The following PCNX2 variants were observed in gnomAD, a reference collection of about 807,000 sequenced individuals.
The protein encoded by PCNX2 is pecanex 2, also known as pecanex-like protein 2.
PCNX2 carries 168 observed loss-of-function variants against 223.8 expected under a neutral mutation model. The ratio of observed to expected loss-of-function variants is 0.75; its 90% CI spans 0.66 to 0.85. The LOEUF (loss-of-function observed/expected upper bound fraction) is 0.85, where lower values mean the gene tolerates loss of function less well. Ranked by LOEUF, PCNX2 falls within the 40% of genes least tolerant of loss-of-function variation. The pLI, the probability that PCNX2 is intolerant of heterozygous loss-of-function variation, is 0.00. For missense variants in PCNX2, 2,507 were observed against 2,675.5 expected (o/e 0.94, Z 1.39); for synonymous variants, 1,006 against 1,052.6 (o/e 0.96, Z 0.86).
At chr1:233,200,898 C>T (rs1038526409) in intron 13 of PCNX2, among the ~76,000 whole-genome samples, 11 of 150,784 alleles carry the variant, frequency 7.3e-5, no homozygotes, top group Admixed American at 1.3e-4. Flanking sequence ...TGGTGGCGGG[C>T]GCCTGTAGTC....
intron 1 of PCNX2, among the ~76,000 whole-genome samples, chr1:233,283,840 T>C (rs1295188127): frequency 2.0e-5 from 3 of 152,230 alleles, no homozygotes; most frequent in Non-Finnish European, 2.9e-5. Context: ...GAAAGACTTT[T>C]GGAAATACAA....
intron 17 of PCNX2, among the ~76,000 whole-genome samples, chr1:233,170,514 AG>A (rs1162301555): frequency 5.3e-5 from 8 of 152,200 alleles, no homozygotes; most frequent in Non-Finnish European, 5.9e-5. Flanking sequence ...ATTGATTTAG[AG>A]GAATCTTATA....
intron 21 of PCNX2, among the ~76,000 whole-genome samples, chr1:233,106,238 C>T (rs1016966649): frequency 1.3e-5 from 2 of 152,086 alleles, no homozygotes; most frequent in African/African-American, 4.8e-5. Context: ...CTAACTATTC[C>T]ATATATGAAA....
intron 19 of PCNX2, among the ~76,000 whole-genome samples, chr1:233,147,394 A>G (rs2477864): frequency 0.45 from 68,926 of 151,948 alleles, 17,492 homozygotes; most frequent in African/African-American, 0.68. Flanking sequence ...TATATTTCCT[A>G]TTCATTAAGT....
At chr1:233,201,395 G>A (rs6662775) in intron 13 of PCNX2, 113,472 of 152,186 alleles carry the variant, frequency 0.75, 43,246 homozygotes, top group African/African-American at 0.92. Flanking sequence ...TATGCTATAC[G>A]TAACTATATA....
At chr1:233,212,404 A>G (rs1681871028) in intron 12 of PCNX2, among the ~76,000 whole-genome samples, 4 of 152,250 alleles carry the variant, frequency 2.6e-5, no homozygotes. Context: ...GAAATGTGAT[A>G]GGCTACTTTA....
chr1:233,081,742 C>T (rs945699314), intron 23 of PCNX2, among the ~76,000 whole-genome samples: 4 of 152,186 alleles, frequency 2.6e-5, no homozygotes, highest in African/African-American at 9.7e-5. Flanking sequence ...TGGCAAGCTG[C>T]ATTGCTTCTG....
At chr1:233,003,305 A>C (rs1215853237) in intron 28 of PCNX2, among the ~76,000 whole-genome samples, 2 of 152,240 alleles carry the variant, frequency 1.3e-5, no homozygotes, top group African/African-American at 4.8e-5. Context: ...AAACAAATTT[A>C]TAAGAAAAAA....
the PCNX2 span, among the ~76,000 whole-genome samples, chr1:233,315,346 C>T: frequency 6.6e-6 from 1 of 152,162 alleles, no homozygotes; most frequent in African/African-American, 2.4e-5. Flanking sequence ...CATGCATTAA[C>T]AAAATAAATG....
In PCNX2 at chr1:233,279,556, A is replaced by T. The variant is rs1315967618; in HGVS notation, c.153+15770T>A. ...TGCCTCAGCCTCCCAAAATTCTGGG[A>T]TTACAGGTGTGAGCCACCACCCTAG... On this transcript the variant is annotated intron_variant, in intron 1 of 33. Transcript: ENST00000258229. 2.0e-5 allele frequency among the ~76,000 whole-genome samples: 3 copies of T among 152,186 alleles called. No homozygotes were observed. The South Asian group carries it at 6.2e-4, about 32-fold the overall frequency.
chr1:233,267,904 T>C (rs1018044580), intron 1 of PCNX2, among the ~76,000 whole-genome samples: 1 of 152,098 alleles, frequency 6.6e-6, no homozygotes, highest in Non-Finnish European at 1.5e-5. Flanking sequence ...CTGGATCACA[T>C]GATAATTCGA....
chr1:233,155,287 C>G (rs1437303666), intron 19 of PCNX2, among the ~76,000 whole-genome samples: 2 of 152,120 alleles, frequency 1.3e-5, no homozygotes, highest in Non-Finnish European at 2.9e-5. Flanking sequence ...CAGGGCGGAA[C>G]CTAGTGTCAC....
chr1:233,252,934 A>AT (rs1659543464), intron 5 of PCNX2, 146 bp from the exon 6 acceptor site: 12 of 851,510 alleles, frequency 1.4e-5, no homozygotes, highest in Non-Finnish European at 1.9e-5. Flanking sequence ...ATAATTTTTC[A>AT]TTTTTTTAAT....
intron 1 of PCNX2, among the ~76,000 whole-genome samples, chr1:233,274,441 T>C (rs906103901): frequency 8.5e-5 from 13 of 152,278 alleles, no homozygotes; most frequent in African/African-American, 2.2e-4. Flanking sequence ...CTCCCCACAG[T>C]TGAAAATCAC....
intron 5 of PCNX2, among the ~76,000 whole-genome samples, chr1:233,257,740 T>A (rs149279592): frequency 2.0e-5 from 3 of 152,326 alleles, no homozygotes; most frequent in Admixed American, 2.0e-4. Flanking sequence ...AGTAGTAAAA[T>A]ATAATTGCTT....
At position 233,183,390 on chromosome 1, in the gene PCNX2, A is replaced by C. The variant is rs141181196; in HGVS notation, c.3067-4215T>G. Among the ~76,000 whole-genome samples, 680 of 152,344 alleles carry C rather than the reference A, an allele frequency of 4.5e-3. 5 individuals carry two copies. The highest frequency in any genetic ancestry group is 0.015 in the African/African-American group (642 of 41,574). On this transcript the variant is annotated intron_variant, in intron 15 of 33. Coordinates refer to ENST00000258229, the MANE Select transcript of PCNX2 (RefSeq NM_014801.4). ...GTTAGCACCCTGACATATCCTTGCG[A>C]GAATGACTACAAGGTTTGGGCTTTC...
chr1:233,232,708 G>A (rs2102954832), intron 9 of PCNX2: 1 of 687,364 alleles, frequency 1.5e-6, no homozygotes, highest in Non-Finnish European at 1.8e-6. Flanking sequence ...ATGAGTTCTT[G>A]TTAATGTTTT....
chr1:233,146,412 A>T lies in PCNX2; in HGVS notation c.3518-6557T>A, dbSNP rs1677449968. Among the ~76,000 whole-genome samples the T allele has an allele frequency of 2.0e-5, 3 of 152,176 alleles. No individual in the cohort carries two copies. The South Asian group carries it at 6.2e-4, about 32-fold the overall frequency. ...TGAAGTACTTTTCTGATTATGAAAT[A>T]AAAAAAGTAACTAGCGTATTAAACA... is the stretch of plus-strand genomic sequence containing the variant. On this transcript the variant is annotated intron_variant, in intron 19 of 33. Coordinates refer to ENST00000258229, the MANE Select transcript of PCNX2 (RefSeq NM_014801.4).
rs538589732 is a variant in PCNX2, at chr1:233,065,815, C to T, written c.4077-8525G>A. ...CACAGATAAAACCATAGCCCTATGC[C>T]TATCTGTATCAGTGATAGCAGCAGA... On this transcript the variant is annotated intron_variant, in intron 23 of 33. Transcript: ENST00000258229. Among the ~76,000 whole-genome samples, 11 of 152,288 alleles carry T rather than the reference C, an allele frequency of 7.2e-5. No homozygotes were observed. In the East Asian group the frequency reaches 1.9e-3, roughly 27 times the overall value.
Sources: allele counts gnomAD v4.1 joint callset (sites outside exome capture counted in the v4.1 genomes callset), GRCh38; gene constraint gnomAD v4.1.1; transcripts MANE v1.5; gene names NCBI Gene and HGNC (gene_info 2026-07-23, HGNC 2026-07-21).